The following RCL1 variants were observed in gnomAD, a reference collection of about 807,000 sequenced individuals.
The protein encoded by RCL1 is RNA 3'-terminal phosphate cyclase-like protein.
A neutral mutation model predicts 42.4 loss-of-function variants in RCL1; 24 were observed. The observed-to-expected ratio is 0.57, with a 90% CI of 0.41 to 0.80. The LOEUF is 0.80. Ranked by LOEUF, RCL1 falls within the 30% of genes least tolerant of loss-of-function variation. The pLI is 0.00. For missense variants in RCL1, 578 were observed against 467.9 expected (o/e 1.24, Z -2.17); for synonymous variants, 228 against 177.3 (o/e 1.29, Z -2.27).
chr9:4,851,938 A>T (rs541540785), intron 8 of RCL1, among the ~76,000 whole-genome samples: 2 of 140,730 alleles, frequency 1.4e-5, no homozygotes, highest in East Asian at 2.1e-4. Flanking sequence ...TAGAGGGCAG[A>T]GGCGCAATCT....
At chr9:4,794,070 A>T (rs929207109) in intron 1 of RCL1, among the ~76,000 whole-genome samples, 1 of 152,238 alleles carries the variant, frequency 6.6e-6, no homozygotes, top group Non-Finnish European at 1.5e-5. Context: ...ACTGGTGGTT[A>T]TCCCAAGTTG....
chr9:4,794,030 G>C (rs985932707), intron 1 of RCL1, among the ~76,000 whole-genome samples: 1 of 152,176 alleles, frequency 6.6e-6, no homozygotes, highest in South Asian at 2.1e-4. Context: ...TGGCCCCCTG[G>C]CATGAGATAC....
chr9:4,844,679 A>G lies in RCL1; in HGVS notation c.865A>G (p.Arg289Gly), dbSNP rs1254127807. The G allele has an allele frequency of 1.2e-6, 2 of 1,612,418 alleles. No homozygotes were observed. Among genetic ancestry groups the G allele is most frequent in the Non-Finnish European group, 1.7e-6 (2 of 1,179,632 alleles). ...CCGGCTGCTGCTGGAGGAAATCTAC[A>G]GGGTATGTCCACAGCTTCCTCTGAT... is the stretch of plus-strand genomic sequence containing the variant. ...CARLLLEEIYRGGCVDSTNQS... is the reference protein window; with the variant it reads ...CARLLLEEIYGGGCVDSTNQS... The change falls in exon 7 of 9, where the codon AGG becomes GGG. Residue 289 changes from arginine (R) to glycine (G), a missense_variant and splice_region_variant. Transcript: ENST00000381750.
chr9:4,844,467 G>A, intron 6 of RCL1, 58 bp from the exon 7 acceptor site: 1 of 1,316,338 alleles, frequency 7.6e-7, no homozygotes, highest in Admixed American at 2.2e-5. Flanking sequence ...CCGTTTGCTG[G>A]TGAGTGGAAA....
At chr9:4,798,855 G>T (rs1379091160) in intron 1 of RCL1, among the ~76,000 whole-genome samples, 1 of 147,564 alleles carries the variant, frequency 6.8e-6, no homozygotes, top group Non-Finnish European at 1.5e-5. Context: ...GATGATTTTT[G>T]GCTGCCCAAA....
At chr9:4,844,806 A>G (rs1054977848) in intron 7 of RCL1, 125 bp downstream of exon 7, 1 of 938,026 alleles carries the variant, frequency 1.1e-6, no homozygotes, top group Non-Finnish European at 1.6e-6. Flanking sequence ...GTTCCTGTGC[A>G]TTAAGCAGTT....
rs568753214 is a variant in RCL1 at position 4,849,698 on chromosome 9, A to C, written c.971+148A>C. On this transcript the variant is annotated intron_variant, in intron 8 of 8. Coordinates refer to ENST00000381750, the MANE Select transcript of RCL1 (RefSeq NM_005772.5). ...AATCAGCCAGCAGTTGTCACTCTTA[A>C]CCTGGTGTTTATTTTTACATACAAG... is the stretch of plus-strand genomic sequence containing the variant. 1.2e-4 allele frequency: 74 copies of C among 616,112 alleles called. No homozygotes were observed. In the South Asian group the frequency reaches 1.5e-3, roughly 13 times the overall value. The allele number at this position is 616,112 out of a possible 1,614,324, so 38.2% of individuals were successfully genotyped here. A position where few individuals can be genotyped will look rare whatever the true frequency, so the allele number is the denominator to read the frequency against.
intron 6 of RCL1, among the ~76,000 whole-genome samples, chr9:4,844,266 G>A (rs1817433828): frequency 6.6e-6 from 1 of 152,106 alleles, no homozygotes; most frequent in South Asian, 2.1e-4. Context: ...CTGTTGATGT[G>A]TCTACTTAAC....
chr9:4,800,524 T>A (rs1021993093), intron 1 of RCL1, among the ~76,000 whole-genome samples: 2 of 151,784 alleles, frequency 1.3e-5, no homozygotes, highest in Non-Finnish European at 2.9e-5. Flanking sequence ...CAGGTTTTTT[T>A]ATTTTTTTAT....
At chr9:4,824,405 A>G (rs1197867857) in intron 2 of RCL1, among the ~76,000 whole-genome samples, 1 of 148,088 alleles carries the variant, frequency 6.8e-6, no homozygotes, top group Non-Finnish European at 1.5e-5. Flanking sequence ...TGCTAGTACA[A>G]ATGTCTCAGA....
intron 8 of RCL1, among the ~76,000 whole-genome samples, chr9:4,852,730 C>G (rs545760425): frequency 6.6e-6 from 1 of 151,440 alleles, no homozygotes; most frequent in African/African-American, 2.4e-5. Flanking sequence ...GCCTGGACAC[C>G]CCTTCACCCT....
intron 5 of RCL1, chr9:4,839,452 T>A (rs1385357398): frequency 6.5e-6 from 1 of 153,072 alleles, no homozygotes; most frequent in Admixed American, 6.5e-5. Context: ...GAAAGAACTT[T>A]GGGAGCCGTG....
chr9:4,823,460 C>A, intron 1 of RCL1, 88 bp from the exon 2 acceptor site: 1 of 1,009,498 alleles, frequency 9.9e-7, no homozygotes, highest in Non-Finnish European at 1.5e-6. Flanking sequence ...TACCACAGTA[C>A]CTGAATCAGG....
chr9:4,824,782 G>A (rs769601575), intron 2 of RCL1, among the ~76,000 whole-genome samples: 2 of 152,142 alleles, frequency 1.3e-5, no homozygotes, highest in Non-Finnish European at 2.9e-5. Context: ...AACAGGTTTC[G>A]GGAATGAGAT....
chr9:4,796,634 A>G (rs1188823996), intron 1 of RCL1, among the ~76,000 whole-genome samples: 2 of 152,182 alleles, frequency 1.3e-5, no homozygotes, highest in Non-Finnish European at 2.9e-5. Context: ...TCCTGGACTC[A>G]AGCAGTCGTC....
Position 4,853,174 on chromosome 9 carries a change from A to G in RCL1, c.971+3624A>G, listed in dbSNP as rs1817810986. 1.3e-5 allele frequency among the ~76,000 whole-genome samples: 2 copies of G among 152,198 alleles called. 1 individual carries two copies. The highest frequency in any genetic ancestry group is 4.1e-4 in the South Asian group (2 of 4,820). On this transcript the variant is annotated intron_variant, in intron 8 of 8. Coordinates refer to ENST00000381750, the MANE Select transcript of RCL1 (RefSeq NM_005772.5). ...TTCATCATAACTTCATAAGGGCAAAAAAGGCAAGTACTATCATGTGCACCG... is the reference window on the plus strand; with the variant it reads ...TTCATCATAACTTCATAAGGGCAAAGAAGGCAAGTACTATCATGTGCACCG...
At chr9:4,824,146 A>G (rs570085764) in intron 2 of RCL1, among the ~76,000 whole-genome samples, 1 of 152,356 alleles carries the variant, frequency 6.6e-6, no homozygotes, top group East Asian at 1.9e-4. Flanking sequence ...AAATTATTTC[A>G]GCCAACTCTG....
intron 3 of RCL1, 107 bp from the exon 4 acceptor site, chr9:4,833,047 A>G (rs1464304632): frequency 2.7e-6 from 2 of 742,238 alleles, no homozygotes; most frequent in Non-Finnish European, 4.9e-6. Flanking sequence ...CTTTCTGTTT[A>G]CCACACTGCA....
chr9:4,810,008 G>A (rs1161704218), intron 1 of RCL1, among the ~76,000 whole-genome samples: 2 of 152,090 alleles, frequency 1.3e-5, no homozygotes, highest in African/African-American at 4.8e-5. Flanking sequence ...GTAGAGATGG[G>A]GTTTCACCAT....
Sources: gnomAD v4.1 joint callset for allele counts (sites outside exome capture counted in the v4.1 genomes callset) on GRCh38, gnomAD v4.1.1 for gene constraint, MANE v1.5 for transcripts, NCBI Gene and HGNC (gene_info 2026-07-23, HGNC 2026-07-21) for gene names.